MEF2D: variants seen among roughly 807,000 people sequenced by gnomAD.
MEF2D encodes myocyte-specific enhancer factor 2D.
Under a neutral mutation model 59.3 loss-of-function variants are expected in MEF2D, and 10 were observed. The ratio of observed to expected loss-of-function variants is 0.17; its 90% CI spans 0.10 to 0.29. MEF2D has a LOEUF of 0.29. Ranked by LOEUF, MEF2D falls within the 10% of genes least tolerant of loss-of-function variation. MEF2D has a pLI of 1.00. For missense variants in MEF2D, 508 were observed against 699.4 expected, an observed-to-expected ratio of 0.73 and a Z score of 3.09; for synonymous variants, 305 against 295.0, an observed-to-expected ratio of 1.03 and a Z score of -0.35.
At chr1:156,494,310 G>A (rs985248174) in intron 1 of MEF2D, among the ~76,000 whole-genome samples, 3 of 152,018 alleles carry the variant, frequency 2.0e-5, no homozygotes, top group Non-Finnish European at 4.4e-5. Flanking sequence ...ACTCAGGGAT[G>A]GGCTCTCCCC....
intron 9 of MEF2D, among the ~76,000 whole-genome samples, chr1:156,471,003 T>A (rs1671202509): frequency 6.6e-6 from 1 of 152,140 alleles, no homozygotes; most frequent in Non-Finnish European, 1.5e-5. Context: ...AGTTTTGAAA[T>A]GCTTATTAAA....
chr1:156,471,086 C>T (rs753966952), intron 9 of MEF2D, among the ~76,000 whole-genome samples: 14 of 152,152 alleles, frequency 9.2e-5, no homozygotes, highest in Non-Finnish European at 1.5e-4. Flanking sequence ...GACAGAGTCT[C>T]GCTCTGTTGC....
intron 1 of MEF2D, among the ~76,000 whole-genome samples, chr1:156,486,889 A>G (rs2102189949): frequency 1.3e-5 from 2 of 152,340 alleles, no homozygotes; most frequent in South Asian, 4.1e-4. Context: ...CTTGCAGTCT[A>G]ACCTCCAACA....
chr1:156,486,909 C>T (rs1360020538), intron 1 of MEF2D, among the ~76,000 whole-genome samples: 2 of 152,212 alleles, frequency 1.3e-5, no homozygotes, highest in African/African-American at 4.8e-5. Context: ...AGTCTTGCTG[C>T]AGTACCAGTT....
rs190791196 is a variant in MEF2D, at chr1:156,494,264, C to T, written c.-139+6222G>A. On this transcript the variant is annotated intron_variant, in intron 1 of 11. Transcript: ENST00000348159. The stretch of plus-strand genomic sequence containing the variant: ...GGAAAAGAGACCAAGCCCCACTCTC[C>T]TCACTCCACCCGCCTGCCGTGCATT... Among the ~76,000 whole-genome samples, 5 of 152,184 alleles carry T rather than the reference C, an allele frequency of 3.3e-5. 1 individual carries two copies. The highest frequency in any genetic ancestry group is 1.3e-4 in the Admixed American group (2 of 15,294).
chr1:156,477,289 AC>A, intron 6 of MEF2D, 87 bp from the exon 7 acceptor site: 1 of 1,179,342 alleles, frequency 8.5e-7, no homozygotes, highest in Non-Finnish European at 1.2e-6. Context: ...TACTCCTGTT[AC>A]CCGGAACCTC....
At chr1:156,467,952 G>T in intron 11 of MEF2D, 41 bp downstream of exon 11, 1 of 1,582,174 alleles carries the variant, frequency 6.3e-7, no homozygotes, top group Non-Finnish European at 8.6e-7. Context: ...GTCCCTGGGT[G>T]TAGCAGACAC....
intron 9 of MEF2D, among the ~76,000 whole-genome samples, chr1:156,470,784 A>G (rs1421141132): frequency 6.6e-6 from 1 of 152,224 alleles, no homozygotes; most frequent in Admixed American, 6.5e-5. Context: ...AAGCATGTAG[A>G]ACAGTATCTG....
At chr1:156,490,646 T>TTAAG (rs1425482115) in intron 1 of MEF2D, 1 of 152,394 alleles carries the variant, frequency 6.6e-6, no homozygotes, top group Non-Finnish European at 1.5e-5. Context: ...CAGTCTCAGC[T>TTAAG]TAAGGGACAG....
At position 156,479,603 on chromosome 1, in the gene MEF2D, T is replaced by A. The variant is rs766403314; in HGVS notation, c.590A>T (p.Gln197Leu). ...QRNSVSPGLPQRPASAGAMLG... is the reference protein window; with the variant it reads ...QRNSVSPGLPLRPASAGAMLG... ...CCACTCACCCGCACTAGCTGGCCGC[T>A]GGGGCAGGCCAGGAGACACACTGTT... Residue 197 changes from glutamine (Q) to leucine (L), a missense_variant, in exon 5 of 12, where the codon CAG becomes CTG. Physicochemically the swap from Gln to Leu is moderately radical, Grantham distance 113 (BLOSUM62 -2). This residue lies in a region of MEF2D where 481 missense variants were observed against 584.7 expected (regional missense o/e 0.82). Transcript: ENST00000348159. 5.8e-6 allele frequency: 9 copies of A among 1,551,712 alleles called. No individual in the cohort carries two copies. Among genetic ancestry groups the A allele is most frequent in the Non-Finnish European group, 7.8e-6 (9 of 1,147,620 alleles).
At chr1:156,485,341 A>G (rs966127249) in intron 1 of MEF2D, among the ~76,000 whole-genome samples, 20 of 152,008 alleles carry the variant, frequency 1.3e-4, no homozygotes, top group African/African-American at 4.8e-4. Flanking sequence ...CTCATGAGGG[A>G]AGGAGGAGAG....
intron 6 of MEF2D, among the ~76,000 whole-genome samples, chr1:156,478,359 G>A (rs886559127): frequency 6.7e-6 from 1 of 150,268 alleles, no homozygotes; most frequent in Non-Finnish European, 1.5e-5. Flanking sequence ...CTGTTGCCCT[G>A]GAAGTGTGTG....
chr1:156,494,601 C>T (rs1399184840), intron 1 of MEF2D, among the ~76,000 whole-genome samples: 2 of 152,158 alleles, frequency 1.3e-5, no homozygotes, highest in Non-Finnish European at 2.9e-5. Context: ...CATTCCTTGC[C>T]CCCACCCCTG....
chr1:156,483,330 C>A lies in MEF2D; in HGVS notation c.-38G>T, dbSNP rs746460694. 7 of 1,603,104 alleles carry A rather than the reference C, an allele frequency of 4.4e-6. No individual in the cohort carries two copies. The highest frequency in any genetic ancestry group is 2.7e-5 in the African/African-American group (2 of 74,812). ...TCCTCAGTGCTACGGAGGGGAGGGG[C>A]TCGCTGGGTGGTGGGTCTCGGCACA... is the stretch of plus-strand genomic sequence containing the variant. On this transcript the variant is annotated 5_prime_UTR_variant, in exon 2 of 12. Coordinates refer to ENST00000348159, the MANE Select transcript of MEF2D (RefSeq NM_005920.4).
In MEF2D at chr1:156,468,286, G is replaced by A; in HGVS notation, c.1261C>T (p.Leu421=). The A allele has an allele frequency of 3.8e-6, 6 of 1,559,222 alleles. No individual in the cohort carries two copies. The highest frequency in any genetic ancestry group is 5.2e-6 in the Non-Finnish European group (6 of 1,150,898). The change falls in exon 11 of 12, where the codon CTG becomes TTG. Residue 421 remains leucine (L), a synonymous_variant. Transcript: ENST00000348159. The surrounding 1 kb of genome is among the most constrained non-coding windows in gnomAD (Gnocchi z 4.3). ...GTGAGGGCAGCACCCACGTGGGGCA[G>A]GGGGCTGCCCGGGCTGGAGGCAGGC... ...SLSNLIPGSP[L]PHVGAALTVT...
chr1:156,472,318 G>A (rs374904249), intron 9 of MEF2D, among the ~76,000 whole-genome samples: 14 of 152,336 alleles, frequency 9.2e-5, no homozygotes, highest in Admixed American at 4.6e-4. Context: ...GGCCCACAGC[G>A]TGTGTCTTCT....
At chr1:156,487,417 G>A (rs1672443029) in intron 1 of MEF2D, among the ~76,000 whole-genome samples, 1 of 152,246 alleles carries the variant, frequency 6.6e-6, no homozygotes, top group African/African-American at 2.4e-5. Context: ...TGCCAGAGGA[G>A]GAGATGCCCC....
At position 156,482,643 on chromosome 1, in the gene MEF2D, G is replaced by T; in HGVS notation, c.55-3C>A. 6.2e-7 allele frequency: 1 copy of T among 1,614,218 alleles called. No individual in the cohort carries two copies. The highest frequency in any genetic ancestry group is 8.5e-7 in the Non-Finnish European group (1 of 1,180,012). ...AACTTCCGCTTGGTGAAAGTCACCT[G>T]CAGAGAAGGATGGGTGGGCGGCCAG... is the stretch of plus-strand genomic sequence containing the variant. On this transcript the variant is annotated splice_polypyrimidine_tract_variant and splice_region_variant and intron_variant, in intron 2 of 11. Coordinates refer to ENST00000348159, the MANE Select transcript of MEF2D (RefSeq NM_005920.4).
intron 9 of MEF2D, among the ~76,000 whole-genome samples, chr1:156,474,782 T>C (rs906218576): frequency 2.0e-5 from 3 of 151,990 alleles, no homozygotes; most frequent in Non-Finnish European, 4.4e-5. Flanking sequence ...TGTACTCCAG[T>C]CTGGGTGACA....
Sources: gnomAD v4.1 joint callset for allele counts (sites outside exome capture counted in the v4.1 genomes callset) on GRCh38, gnomAD v4.1.1 for gene constraint, gnomAD v4.1.1 regional missense constraint, Gnocchi (gnomAD v3.1) non-coding constraint, MANE v1.5 for transcripts, NCBI Gene and HGNC (gene_info 2026-07-23, HGNC 2026-07-21) for gene names.